Variants in PPM1H observed in about 807,000 individuals in gnomAD.
PPM1H encodes protein phosphatase, Mg2+/Mn2+ dependent 1H.
PPM1H carries 27 observed loss-of-function variants against 54.9 expected under a neutral mutation model. The ratio of observed to expected loss-of-function variants is 0.49; its 90% CI spans 0.36 to 0.68. The LOEUF is 0.68. PPM1H is among the 30% of genes least tolerant of loss of function. The pLI is 0.00. For missense variants in PPM1H, 596 were observed against 667.8 expected (o/e 0.89, Z 1.19); for synonymous variants, 305 against 270.8 (o/e 1.13, Z -1.24).
At chr12:62,694,042 T>TTAGTGA (rs2076099385) in intron 6 of PPM1H, 43 bp from the exon 7 acceptor site, 1 of 1,545,642 alleles carries the variant, frequency 6.5e-7, no homozygotes, top group Non-Finnish European at 8.8e-7. Context: ...TTGCACTCAA[T>TTAGTGA]TAGTGACCTG....
chr12:62,927,839 A>T (rs1053614459), intron 1 of PPM1H, among the ~76,000 whole-genome samples: 4 of 152,170 alleles, frequency 2.6e-5, no homozygotes, highest in African/African-American at 9.7e-5. Context: ...CTAAAATACT[A>T]ACAGTGGCTA....
chr12:62,895,154 G>C (rs1870938611), intron 1 of PPM1H, among the ~76,000 whole-genome samples: 5 of 152,200 alleles, frequency 3.3e-5, no homozygotes, highest in African/African-American at 1.2e-4. Context: ...GGCATCCCCA[G>C]AGCAGTTCCA....
chr12:62,891,721 C>A (rs950256755), intron 1 of PPM1H, among the ~76,000 whole-genome samples: 3 of 152,182 alleles, frequency 2.0e-5, no homozygotes, highest in Non-Finnish European at 4.4e-5. Flanking sequence ...AAAAGTGCCA[C>A]AAGGTTAGCA....
At chr12:62,872,113 T>C (rs1870008814) in intron 1 of PPM1H, among the ~76,000 whole-genome samples, 1 of 152,230 alleles carries the variant, frequency 6.6e-6, no homozygotes, top group Non-Finnish European at 1.5e-5. Flanking sequence ...ATTTCTGAGA[T>C]GAGGTATAAA....
chr12:62,661,451 A>C (rs1229881678), intron 9 of PPM1H, among the ~76,000 whole-genome samples: 7 of 152,134 alleles, frequency 4.6e-5, no homozygotes, highest in African/African-American at 1.7e-4. Flanking sequence ...CCCAGGCTGG[A>C]GTGCAGTGGC....
At chr12:62,879,951 CTCTAT>C (rs1255838115) in intron 1 of PPM1H, among the ~76,000 whole-genome samples, 1 of 152,098 alleles carries the variant, frequency 6.6e-6, no homozygotes, top group Non-Finnish European at 1.5e-5. Context: ...GGATTAGACA[CTCTAT>C]TCTAAAGTCA....
intron 1 of PPM1H, among the ~76,000 whole-genome samples, chr12:62,890,358 C>T (rs682886): frequency 0.086 from 13,127 of 151,960 alleles, 1,786 homozygotes; most frequent in African/African-American, 0.29. Context: ...CTCAGGAGGC[C>T]GAAGTGGGAG....
intron 1 of PPM1H, among the ~76,000 whole-genome samples, chr12:62,901,281 G>A (rs1871158927): frequency 6.6e-6 from 1 of 152,156 alleles, no homozygotes; most frequent in Admixed American, 6.5e-5. Flanking sequence ...TTACAATGAA[G>A]AAATGACAAT....
intron 2 of PPM1H, among the ~76,000 whole-genome samples, chr12:62,809,115 G>A (rs4094334): frequency 0.1 from 15,977 of 152,178 alleles, 1,096 homozygotes; most frequent in Admixed American, 0.16. Flanking sequence ...GCAGTGGTGC[G>A]ATCCTGGCTC....
At chr12:62,814,339 G>A (rs564465485) in intron 2 of PPM1H, among the ~76,000 whole-genome samples, 7 of 151,560 alleles carry the variant, frequency 4.6e-5, no homozygotes, top group African/African-American at 9.7e-5. Context: ...CACGTTGGCC[G>A]CCCCAAGAAG....
In PPM1H at chr12:62,689,825, G is replaced by A. The variant is rs374100731; in HGVS notation, c.1138-19C>T. On this transcript the variant is annotated intron_variant, in intron 7 of 9. Transcript: ENST00000228705. The stretch of plus-strand genomic sequence containing the variant: ...CCCGGGCCTAGGAGTATAAGCAGAG[G>A]GTCATCAGAAACACGCACACAGTGA... 2.6e-5 allele frequency: 41 copies of A among 1,566,476 alleles called. No homozygotes were observed. Among genetic ancestry groups the A allele is most frequent in the South Asian group, 5.7e-5 (5 of 88,438 alleles).
At chr12:62,696,155 A>T (rs2076114094) in intron 6 of PPM1H, among the ~76,000 whole-genome samples, 1 of 152,190 alleles carries the variant, frequency 6.6e-6, no homozygotes, top group Non-Finnish European at 1.5e-5. Flanking sequence ...AGGCTTAGAG[A>T]AGTAGTAAGA....
At chr12:62,703,433 G>A (rs1292872454) in intron 6 of PPM1H, among the ~76,000 whole-genome samples, 9 of 149,174 alleles carry the variant, frequency 6.0e-5, no homozygotes, top group Non-Finnish European at 1.0e-4. Context: ...GGAGGGAGGA[G>A]AAAGCCACAG....
intron 1 of PPM1H, among the ~76,000 whole-genome samples, chr12:62,841,718 T>C (rs1031455283): frequency 1.4e-4 from 21 of 152,158 alleles, no homozygotes; most frequent in Admixed American, 2.0e-4. Flanking sequence ...GTAGTAACAT[T>C]AGCTGTGGAT....
chr12:62,724,396 T>G (rs1467096476), intron 5 of PPM1H, among the ~76,000 whole-genome samples: 1 of 152,210 alleles, frequency 6.6e-6, no homozygotes, highest in Non-Finnish European at 1.5e-5. Flanking sequence ...TGATGGTGCT[T>G]TAAACCAGGG....
At chr12:62,761,986 G>T (rs1192985781) in intron 4 of PPM1H, among the ~76,000 whole-genome samples, 1 of 152,192 alleles carries the variant, frequency 6.6e-6, no homozygotes, top group Non-Finnish European at 1.5e-5. Flanking sequence ...CCCACAGCCA[G>T]GCAGAGGGTC....
intron 5 of PPM1H, among the ~76,000 whole-genome samples, chr12:62,736,073 G>T (rs1409195141): frequency 2.0e-5 from 3 of 152,174 alleles, no homozygotes; most frequent in Admixed American, 6.5e-5. Context: ...TTTAGATAGG[G>T]GAGTGACAAG....
intron 9 of PPM1H, among the ~76,000 whole-genome samples, chr12:62,651,094 C>CTT (rs2075813605): frequency 6.6e-6 from 1 of 152,158 alleles, no homozygotes; most frequent in Admixed American, 6.5e-5. Context: ...CTGAACACAC[C>CTT]TTAACCCAGG....
At chr12:62,737,649 C>T in intron 4 of PPM1H, 63 bp from the exon 5 acceptor site, 1 of 1,216,030 alleles carries the variant, frequency 8.2e-7, no homozygotes, top group Non-Finnish European at 1.2e-6. Context: ...CTGTTACAAC[C>T]ATTGCTTGGT....
Sources: allele counts gnomAD v4.1 joint callset (sites outside exome capture counted in the v4.1 genomes callset), GRCh38; gene constraint gnomAD v4.1.1; transcripts MANE v1.5; gene names NCBI Gene and HGNC (gene_info 2026-07-23, HGNC 2026-07-21).